The following ANKS1B variants were observed in gnomAD, a reference collection of about 807,000 sequenced individuals.
The protein encoded by ANKS1B is ankyrin repeat and sterile alpha motif domain-containing protein 1B.
ANKS1B carries 36 observed loss-of-function variants against 148.3 expected under a neutral mutation model. The observed-to-expected ratio is 0.24, with a 90% CI of 0.19 to 0.32. The LOEUF (loss-of-function observed/expected upper bound fraction) is 0.32. ANKS1B is among the 10% of genes least tolerant of loss of function. The probability of loss-of-function intolerance (pLI) is 1.00; values close to 1 mark genes in which losing one functional copy is unlikely to be tolerated. For missense variants in ANKS1B, 1,157 were observed against 1,542.6 expected (o/e 0.75, Z 4.19); for synonymous variants, 542 against 560.8 (o/e 0.97, Z 0.47).
chr12:99,210,503 C>A (rs1301688086), intron 14 of ANKS1B, among the ~76,000 whole-genome samples: 2 of 152,148 alleles, frequency 1.3e-5, no homozygotes, highest in Admixed American at 1.3e-4. Context: ...CCTAAGGGAT[C>A]CTTTAGTCCA....
intron 22 of ANKS1B, among the ~76,000 whole-genome samples, chr12:98,787,542 G>C (rs912737388): frequency 6.6e-6 from 1 of 152,126 alleles, no homozygotes; most frequent in Non-Finnish European, 1.5e-5. Context: ...CATAGGATTC[G>C]ATCTAATGGT....
intron 17 of ANKS1B, chr12:98,931,620 C>T (rs890353883): frequency 2.0e-5 from 3 of 152,056 alleles, no homozygotes; most frequent in East Asian, 1.9e-4. Flanking sequence ...TGTTTTGTTT[C>T]GTTTTGTACT....
At chr12:99,353,697 G>A (rs557532496) in intron 12 of ANKS1B, among the ~76,000 whole-genome samples, 5 of 151,962 alleles carry the variant, frequency 3.3e-5, no homozygotes, top group Non-Finnish European at 7.4e-5. Context: ...TAAGATTTTA[G>A]ATCATGTCCC....
At chr12:99,261,889 A>C (rs2075963460) in intron 12 of ANKS1B, among the ~76,000 whole-genome samples, 1 of 152,126 alleles carries the variant, frequency 6.6e-6, no homozygotes, top group African/African-American at 2.4e-5. Context: ...GTGAGGCCAT[A>C]CGTGATCTCA....
chr12:99,951,799 T>C (rs1248077697), intron 1 of ANKS1B, among the ~76,000 whole-genome samples: 1 of 151,968 alleles, frequency 6.6e-6, no homozygotes, highest in Non-Finnish European at 1.5e-5. Flanking sequence ...AGCCGGAAGA[T>C]CACTTGAGCC....
chr12:99,092,209 T>C (rs376861754), intron 15 of ANKS1B, among the ~76,000 whole-genome samples: 2 of 152,252 alleles, frequency 1.3e-5, no homozygotes, highest in East Asian at 3.9e-4. Context: ...TGAAGTGTGG[T>C]GTCTCACTGG....
intron 1 of ANKS1B, among the ~76,000 whole-genome samples, chr12:99,873,899 C>A (rs2091808555): frequency 6.6e-6 from 1 of 151,976 alleles, no homozygotes; most frequent in Non-Finnish European, 1.5e-5. Context: ...TGGACTGGAA[C>A]TGCAAGTCTT....
At chr12:99,945,265 AG>A (rs1465129404) in intron 1 of ANKS1B, among the ~76,000 whole-genome samples, 2 of 151,674 alleles carry the variant, frequency 1.3e-5, no homozygotes, top group Non-Finnish European at 2.9e-5. Context: ...GTGATAAAAT[AG>A]AGTGGAGCTG....
At chr12:99,257,758 A>C (rs1407436462) in intron 12 of ANKS1B, among the ~76,000 whole-genome samples, 1 of 152,178 alleles carries the variant, frequency 6.6e-6, no homozygotes, top group Non-Finnish European at 1.5e-5. Flanking sequence ...AATCTATGGA[A>C]GCTTGTCAAT....
intron 1 of ANKS1B, among the ~76,000 whole-genome samples, chr12:99,955,507 A>C (rs917594313): frequency 6.4e-5 from 9 of 141,606 alleles, no homozygotes; most frequent in African/African-American, 2.6e-4. Context: ...AAAAAAAAAA[A>C]AAAAAAAAAA....
intron 12 of ANKS1B, among the ~76,000 whole-genome samples, chr12:99,341,922 T>C (rs2089987240): frequency 6.6e-6 from 1 of 152,148 alleles, no homozygotes; most frequent in Admixed American, 6.6e-5. Context: ...TGACTTCTCC[T>C]TAGAAGAATA....
chr12:99,509,903 T>G (rs1353117944), intron 9 of ANKS1B, among the ~76,000 whole-genome samples: 7 of 152,004 alleles, frequency 4.6e-5, no homozygotes, highest in Non-Finnish European at 1.0e-4. Context: ...TTGATGACTT[T>G]AAGTTGAAGC....
intron 2 of ANKS1B, among the ~76,000 whole-genome samples, chr12:99,823,585 C>A (rs1285498131): frequency 1.3e-5 from 2 of 152,162 alleles, no homozygotes; most frequent in African/African-American, 4.8e-5. Flanking sequence ...GGATTACAGG[C>A]ATGAGCCACT....
intron 17 of ANKS1B, among the ~76,000 whole-genome samples, chr12:98,898,596 T>A (rs534013548): frequency 1.3e-5 from 2 of 152,170 alleles, no homozygotes; most frequent in African/African-American, 4.8e-5. Context: ...GATTCTGTGA[T>A]GCACCAGGAT....
intron 9 of ANKS1B, among the ~76,000 whole-genome samples, chr12:99,588,426 C>CT (rs1003608952): frequency 1.2e-4 from 17 of 140,360 alleles, no homozygotes; most frequent in African/African-American, 2.4e-4. Flanking sequence ...TTTTTTTTGT[C>CT]TTTTTTTTGA....
intron 17 of ANKS1B, among the ~76,000 whole-genome samples, chr12:98,984,105 G>A (rs1471488048): frequency 1.3e-5 from 2 of 152,164 alleles, no homozygotes; most frequent in East Asian, 1.9e-4. Flanking sequence ...ATGCTGACAA[G>A]TCTTTTGAGA....
In ANKS1B at chr12:99,244,543, T is replaced by C. The variant is rs149087143; in HGVS notation, c.2347-129A>G. 179 of 504,986 alleles carry C rather than the reference T, an allele frequency of 3.5e-4. No homozygotes were observed. The East Asian group carries it at 6.1e-3, about 17-fold the overall frequency. The allele number at this position is 504,986 out of a possible 1,614,324, so 31.3% of individuals were successfully genotyped here. Reference sequence around the variant, plus strand: ...ACCACAGTGTTCCACAGTTAAGAGATGCATAGCGAAATATTTAAAGGAAAG... The same window carrying C: ...ACCACAGTGTTCCACAGTTAAGAGACGCATAGCGAAATATTTAAAGGAAAG... On this transcript the variant is annotated intron_variant, in intron 13 of 26. Transcript: ENST00000683438.
chr12:99,648,316 A>G (rs1278081357), intron 9 of ANKS1B: 3 of 1,614,022 alleles, frequency 1.9e-6, no homozygotes, highest in African/African-American at 1.3e-5. Context: ...CATGTTTGAG[A>G]GCGACTTTAT....
intron 17 of ANKS1B, among the ~76,000 whole-genome samples, chr12:98,873,439 G>A (rs949560165): frequency 6.6e-6 from 1 of 152,200 alleles, no homozygotes; most frequent in South Asian, 2.1e-4. Context: ...ATATTTGTTT[G>A]TTGAGAAAGA....
Sources: gnomAD v4.1 joint callset for allele counts (sites outside exome capture counted in the v4.1 genomes callset) on GRCh38, gnomAD v4.1.1 for gene constraint, MANE v1.5 for transcripts, NCBI Gene and HGNC (gene_info 2026-07-23, HGNC 2026-07-21) for gene names.